RARB: variants seen among roughly 807,000 people sequenced by gnomAD.
RARB encodes the protein retinoic acid receptor beta.
RARB carries 17 observed loss-of-function variants against 51.9 expected under a neutral mutation model. The ratio of observed to expected loss-of-function variants is 0.33; its 90% CI spans 0.22 to 0.49. The LOEUF is 0.49. Ranked by LOEUF, RARB falls within the 20% of genes least tolerant of loss-of-function variation. The pLI, the probability that RARB is intolerant of heterozygous loss-of-function variation, is 0.99. For synonymous variants in RARB, 215 were observed against 195.4 expected, an observed-to-expected ratio of 1.10 and a Z score of -0.84; for missense variants, 369 against 550.8, an observed-to-expected ratio of 0.67 and a Z score of 3.30.
intron 2 of RARB, among the ~76,000 whole-genome samples, chr3:24,971,548 C>T (rs1022692353): frequency 2.0e-5 from 3 of 151,960 alleles, no homozygotes; most frequent in African/African-American, 7.2e-5. Context: ...ATTTTTAAAG[C>T]TTACTCTTTA....
intron 3 of RARB, among the ~76,000 whole-genome samples, chr3:25,120,869 G>A (rs1055295020): frequency 2.6e-5 from 4 of 152,130 alleles, no homozygotes; most frequent in South Asian, 2.1e-4. Context: ...AGCCACACCC[G>A]TCATTGACAT....
intron 5 of RARB, among the ~76,000 whole-genome samples, chr3:25,344,852 T>G (rs1420372623): frequency 6.6e-5 from 10 of 152,220 alleles, no homozygotes; most frequent in Non-Finnish European, 1.5e-4. Flanking sequence ...TTTAAACCTT[T>G]TATACACATG....
intron 2 of RARB, among the ~76,000 whole-genome samples, chr3:24,943,803 T>C (rs2125401573): frequency 6.6e-6 from 1 of 152,322 alleles, no homozygotes; most frequent in East Asian, 1.9e-4. Flanking sequence ...GAATCTGCAG[T>C]CTTCTGTGCA....
chr3:25,158,106 A>G (rs1485391119), intron 4 of RARB, among the ~76,000 whole-genome samples: 3 of 152,360 alleles, frequency 2.0e-5, no homozygotes, highest in South Asian at 4.1e-4. Context: ...CAAACACATA[A>G]GCAGCAAAGA....
intron 5 of RARB, among the ~76,000 whole-genome samples, chr3:25,364,895 G>C (rs1469785651): frequency 6.6e-6 from 1 of 152,082 alleles, no homozygotes; most frequent in African/African-American, 2.4e-5. Flanking sequence ...CTTCATTTTT[G>C]ACAATTAAAA....
chr3:25,429,070 T>G (rs1708097973), intron 1 of RARB, among the ~76,000 whole-genome samples, 182 bp downstream of exon 1: 1 of 152,190 alleles, frequency 6.6e-6, no homozygotes, highest in Non-Finnish European at 1.5e-5. Flanking sequence ...TCCTGTTAGA[T>G]GTTTTCTTCC....
intron 5 of RARB, among the ~76,000 whole-genome samples, chr3:25,405,215 T>C (rs1196075866): frequency 6.6e-6 from 1 of 152,156 alleles, no homozygotes; most frequent in Non-Finnish European, 1.5e-5. Context: ...AGCCACAAGA[T>C]TGACAAATAA....
chr3:24,979,605 T>A (rs1314055476), intron 2 of RARB, among the ~76,000 whole-genome samples: 1 of 152,094 alleles, frequency 6.6e-6, no homozygotes, highest in African/African-American at 2.4e-5. Context: ...TTTTTGTTTT[T>A]TTTTGCTTTC....
intron 5 of RARB, among the ~76,000 whole-genome samples, chr3:25,203,095 G>C (rs1701439557): frequency 6.6e-6 from 1 of 152,136 alleles, no homozygotes; most frequent in African/African-American, 2.4e-5. Flanking sequence ...CTAAGGACTT[G>C]CTTTATGAAT....
intron 3 of RARB, among the ~76,000 whole-genome samples, chr3:25,554,930 T>A (rs1699996568): frequency 6.6e-6 from 1 of 152,150 alleles, no homozygotes; most frequent in Admixed American, 6.5e-5. Flanking sequence ...GTTCCTCTCA[T>A]GACCCATTAA....
At chr3:24,832,653 T>TATATATATATATATATATATATA (rs1169669449) in intron 1 of RARB, among the ~76,000 whole-genome samples, 4 of 63,402 alleles carry the variant, frequency 6.3e-5, no homozygotes, top group African/African-American at 3.0e-4. Context: ...ATATATATAA[T>TATATATATATATATATATATATA]GTCAATTAAA....
chr3:25,549,584 C>A (rs1389791049), intron 3 of RARB, among the ~76,000 whole-genome samples: 5 of 152,080 alleles, frequency 3.3e-5, no homozygotes, highest in African/African-American at 9.7e-5. Context: ...ACCCTCTGTA[C>A]TGGGGGCTGA....
intron 5 of RARB, among the ~76,000 whole-genome samples, chr3:25,263,567 A>G (rs1703056436): frequency 6.6e-6 from 1 of 152,180 alleles, no homozygotes; most frequent in Non-Finnish European, 1.5e-5. Context: ...AGCTGACTCC[A>G]TCTGAGATTT....
chr3:25,182,991 C>T (rs948714471), intron 5 of RARB, among the ~76,000 whole-genome samples: 5 of 152,050 alleles, frequency 3.3e-5, no homozygotes, highest in African/African-American at 9.7e-5. Context: ...GAACATTCCC[C>T]CCACAGCTCT....
chr3:24,941,697 T>C (rs541208513), intron 2 of RARB, among the ~76,000 whole-genome samples: 76 of 152,302 alleles, frequency 5.0e-4, no homozygotes, highest in Admixed American at 1.6e-3. Context: ...CAGAATAAAA[T>C]AGCTTTATGA....
intron 3 of RARB, among the ~76,000 whole-genome samples, chr3:25,107,502 A>T (rs1225572254): frequency 2.6e-5 from 4 of 152,196 alleles, no homozygotes; most frequent in Non-Finnish European, 5.9e-5. Context: ...AAATTCATGC[A>T]TATATTAAAG....
intron 2 of RARB, among the ~76,000 whole-genome samples, chr3:25,047,586 A>G (rs61258158): frequency 0.011 from 1,688 of 152,348 alleles, 38 homozygotes; most frequent in African/African-American, 0.039. Flanking sequence ...AATGAAGGGC[A>G]GTAGCATATT....
intron 1 of RARB, among the ~76,000 whole-genome samples, chr3:25,436,134 T>C (rs549184969): frequency 6.6e-6 from 1 of 152,368 alleles, no homozygotes; most frequent in Admixed American, 6.5e-5. Context: ...CATCTTCTCC[T>C]GAGCACCTTT....
intron 5 of RARB, among the ~76,000 whole-genome samples, chr3:25,203,384 C>G (rs1701447097): frequency 6.6e-6 from 1 of 152,118 alleles, no homozygotes; most frequent in South Asian, 2.1e-4. Flanking sequence ...ACTCTTTATC[C>G]AATTTGCCAG....
Sources: allele counts gnomAD v4.1 joint callset (sites outside exome capture counted in the v4.1 genomes callset), GRCh38; gene constraint gnomAD v4.1.1; transcripts MANE v1.5; gene names NCBI Gene and HGNC (gene_info 2026-07-23, HGNC 2026-07-21).